ARK2C: variants seen among roughly 807,000 people sequenced by gnomAD.
ARK2C encodes the protein arkadia (RNF111) C-terminal like ring finger ubiquitin ligase 2C, also known as E3 ubiquitin-protein ligase ARK2C.
At chr18:46,352,079 A>G in the ARK2C span, among the ~76,000 whole-genome samples, 2 of 151,648 alleles carry the variant, frequency 1.3e-5, no homozygotes, top group African/African-American at 4.8e-5. Context: ...CCTGTCCTCT[A>G]CCTCCCAGGC....
chr18:46,438,877 A>G, the ARK2C span, among the ~76,000 whole-genome samples: 3 of 152,216 alleles, frequency 2.0e-5, no homozygotes, highest in African/African-American at 7.2e-5. Context: ...TTCTCATTTG[A>G]TGCTCCAACA....
At chr18:46,433,534 A>G in the ARK2C span, 2 of 1,560,070 alleles carry the variant, frequency 1.3e-6, no homozygotes. Context: ...GGAGGTGGGG[A>G]CCCGGATGGG....
the ARK2C span, chr18:46,447,771 G>A: frequency 1.0e-5 from 16 of 1,548,034 alleles, no homozygotes; most frequent in Non-Finnish European, 1.4e-5. Context: ...CTGTGCCCTG[G>A]CTGCTACATG....
At chr18:46,360,400 A>G in the ARK2C span, among the ~76,000 whole-genome samples, 5 of 152,356 alleles carry the variant, frequency 3.3e-5, no homozygotes, top group African/African-American at 9.6e-5. Flanking sequence ...GCCCTGCTGG[A>G]CAAGCAGTTT....
the ARK2C span, among the ~76,000 whole-genome samples, chr18:46,375,914 T>C: frequency 6.6e-6 from 1 of 152,228 alleles, no homozygotes; most frequent in Non-Finnish European, 1.5e-5. Context: ...AGTCCCTGCC[T>C]TTGATGAGAC....
At chr18:46,444,208 A>T in the ARK2C span, among the ~76,000 whole-genome samples, 1 of 152,072 alleles carries the variant, frequency 6.6e-6, no homozygotes, top group South Asian at 2.1e-4. Context: ...TTTTTCAGGA[A>T]TTAGATTATT....
At chr18:46,400,274 C>T in the ARK2C span, among the ~76,000 whole-genome samples, 89 of 152,324 alleles carry the variant, frequency 5.8e-4, no homozygotes, top group South Asian at 4.8e-3. Context: ...CTGGGGGACT[C>T]TCTTTACTTG....
the ARK2C span, among the ~76,000 whole-genome samples, chr18:46,345,275 T>C: frequency 3.9e-5 from 6 of 152,122 alleles, no homozygotes; most frequent in African/African-American, 1.4e-4. Flanking sequence ...AGAGAGGTCA[T>C]CTGGGGTGAG....
At chr18:46,428,654 T>C in the ARK2C span, among the ~76,000 whole-genome samples, 3 of 152,194 alleles carry the variant, frequency 2.0e-5, no homozygotes, top group Non-Finnish European at 4.4e-5. Flanking sequence ...GTGTGGCAAG[T>C]ACAAAATAGC....
At chr18:46,418,293 G>A in the ARK2C span, among the ~76,000 whole-genome samples, 3 of 152,126 alleles carry the variant, frequency 2.0e-5, no homozygotes, top group African/African-American at 7.2e-5. Flanking sequence ...GGAGACAGAA[G>A]CTGCAGTGAA....
chr18:46,396,493 C>T, the ARK2C span, among the ~76,000 whole-genome samples: 1 of 152,200 alleles, frequency 6.6e-6, no homozygotes, highest in Non-Finnish European at 1.5e-5. Flanking sequence ...CCTTATTCAT[C>T]CCTGAGTCCC....
chr18:46,398,936 G>A, the ARK2C span, among the ~76,000 whole-genome samples: 5 of 152,082 alleles, frequency 3.3e-5, no homozygotes, highest in African/African-American at 9.7e-5. Context: ...AAACCTCACT[G>A]TGCCAAAGAA....
the ARK2C span, among the ~76,000 whole-genome samples, chr18:46,339,092 T>A: frequency 6.6e-6 from 1 of 152,250 alleles, no homozygotes; most frequent in South Asian, 2.1e-4. Context: ...GAGGCTCTGC[T>A]GTAGTTTGTG....
chr18:46,336,357 T>C, the ARK2C span: 1 of 983,296 alleles, frequency 1.0e-6, no homozygotes, highest in Non-Finnish European at 1.2e-6. Flanking sequence ...TTATTTTTAA[T>C]ACTACCTTCT....
the ARK2C span, among the ~76,000 whole-genome samples, chr18:46,403,655 A>T: frequency 2.0e-5 from 3 of 152,126 alleles, no homozygotes; most frequent in Non-Finnish European, 4.4e-5. Flanking sequence ...AGGCGGGTGG[A>T]TAATTTGAGG....
the ARK2C span, among the ~76,000 whole-genome samples, chr18:46,432,090 T>C: frequency 6.6e-6 from 1 of 152,240 alleles, no homozygotes; most frequent in Non-Finnish European, 1.5e-5. Context: ...AGACATGTAC[T>C]GAATCTGCCA....
the ARK2C span, among the ~76,000 whole-genome samples, chr18:46,447,223 A>G: frequency 1.3e-5 from 2 of 152,038 alleles, no homozygotes; most frequent in South Asian, 2.1e-4. Context: ...TTGTCTTTCC[A>G]TTACTCAGTG....
the ARK2C span, among the ~76,000 whole-genome samples, chr18:46,383,550 G>GTTTTTTTTTTT: frequency 4.4e-4 from 43 of 97,888 alleles, no homozygotes; most frequent in African/African-American, 7.4e-4. Context: ...GGTTTTCTCT[G>GTTTTTTTTTTT]TTTTTTTTTT....
chr18:46,392,755 C>T, the ARK2C span, among the ~76,000 whole-genome samples: 5 of 152,176 alleles, frequency 3.3e-5, no homozygotes, highest in African/African-American at 1.2e-4. Flanking sequence ...CAGTGTGCCC[C>T]GCCAGGTACC....
Sources: allele counts gnomAD v4.1 joint callset (sites outside exome capture counted in the v4.1 genomes callset), GRCh38; gene constraint gnomAD v4.1.1; transcripts MANE v1.5; gene names NCBI Gene and HGNC (gene_info 2026-07-23, HGNC 2026-07-21).